IDO1: variants seen among roughly 807,000 people sequenced by gnomAD.
IDO1 encodes the protein indoleamine 2,3-dioxygenase 1.
IDO1 carries 35 observed loss-of-function variants against 38.8 expected under a neutral mutation model. The observed-to-expected ratio is 0.90, with a 90% confidence interval of 0.69 to 1.20. The LOEUF is 1.20. Ranked by LOEUF, IDO1 falls within the 50% of genes most tolerant of loss-of-function variation. The pLI is 0.00. For synonymous variants in IDO1, 171 were observed against 170.0 expected (o/e 1.01, Z -0.05); for missense variants, 509 against 485.1 (o/e 1.05, Z -0.46).
At chr8:39,919,875 C>T (rs1406943933) in intron 4 of IDO1, among the ~76,000 whole-genome samples, 2 of 152,048 alleles carry the variant, frequency 1.3e-5, no homozygotes, top group Non-Finnish European at 2.9e-5. Context: ...TTTTGACTGT[C>T]CATGTGTGTT....
In IDO1 at chr8:39,918,179, G is replaced by A. The variant is rs750836111; in HGVS notation, c.275G>A (p.Trp92Ter). Reference sequence around the variant, plus strand: ...GGATGCATCACCATGGCATATGTGTGGGGCAAAGGTCATGGAGATGTCCGT... The same window carrying A: ...GGATGCATCACCATGGCATATGTGTAGGGCAAAGGTCATGGAGATGTCCGT... ...VLGCITMAYVWGKGHGDVRKV... is the reference protein window; with the variant it reads ...VLGCITMAYV The change falls in exon 3 of 10, where the codon TGG becomes TAG. Residue 92 changes from tryptophan (W) to a stop codon, truncating the protein, a stop_gained. Transcript: ENST00000518237. LOFTEE classifies it high-confidence loss of function. 22 of 1,613,708 alleles carry A rather than the reference G, an allele frequency of 1.4e-5. No individual in the cohort carries two copies. The highest frequency in any genetic ancestry group is 6.7e-5 in the Admixed American group (4 of 59,988).
chr8:39,916,474 T>A (rs997085309), intron 1 of IDO1, among the ~76,000 whole-genome samples: 14 of 152,060 alleles, frequency 9.2e-5, no homozygotes, highest in African/African-American at 3.4e-4. Context: ...TGAGGCCCTG[T>A]CTGAAAACAA....
chr8:39,923,916 G>T, intron 7 of IDO1: 1 of 165,638 alleles, frequency 6.0e-6, no homozygotes. Context: ...TGGGAGGGTG[G>T]TTTTAAGTCC....
Position 39,928,131 on chromosome 8 carries a change from T to C in IDO1, c.1158T>C (p.Asn386=), listed in dbSNP as rs1355020733. The C allele has an allele frequency of 2.5e-6, 4 of 1,613,486 alleles. No individual in the cohort carries two copies. The highest frequency in any genetic ancestry group is 1.1e-5 in the South Asian group (1 of 90,858). ...GAACTGGAGGCACTGATTTAATGAA[T>C]TTCCTGAAGACTGTAAGAAGTACAA... ...AKGTGGTDLM[N]FLKTVRSTTE... is the part of the protein sequence containing the mutation. The change falls in exon 10 of 10, where the codon AAT becomes AAC. Residue 386 remains asparagine (N), a synonymous_variant. Coordinates refer to ENST00000518237, the MANE Select transcript of IDO1 (RefSeq NM_002164.6).
chr8:39,918,245 A>G (rs1446996039), intron 3 of IDO1, 38 bp downstream of exon 3: 1 of 1,586,218 alleles, frequency 6.3e-7, no homozygotes, highest in African/African-American at 1.3e-5. Context: ...GCTATGTGAC[A>G]GATTTTCATC....
chr8:39,928,281 A>G lies in IDO1; in HGVS notation c.*96A>G, dbSNP rs1807398441. ...ACAGAGCCACAAACTAATACTATGCAATGTTTTACCAATAATGCAATACAA... is the reference window on the plus strand; with the variant it reads ...ACAGAGCCACAAACTAATACTATGCGATGTTTTACCAATAATGCAATACAA... On this transcript the variant is annotated 3_prime_UTR_variant, in exon 10 of 10. Coordinates refer to ENST00000518237, the MANE Select transcript of IDO1 (RefSeq NM_002164.6). 1 of 821,028 alleles carries G rather than the reference A, an allele frequency of 1.2e-6. No homozygotes were observed. Among genetic ancestry groups the G allele is most frequent in the Non-Finnish European group, 1.9e-6 (1 of 532,002 alleles). The allele number at this position is 821,028 out of a possible 1,614,324, so 50.9% of individuals were successfully genotyped here.
In IDO1 at chr8:39,923,473, T is replaced by C; in HGVS notation, c.542T>C (p.Ile181Thr). The C allele has an allele frequency of 6.4e-7, 1 of 1,560,132 alleles. No homozygotes were observed. Among genetic ancestry groups the C allele is most frequent in the Non-Finnish European group, 8.8e-7 (1 of 1,131,196 alleles). ...TGTTTTGTTTGTTTGTTTTAGGTAA[T>C]TCCTACTGTATTCAAGGCAATGCAA... ...EIAAASAIKV[I>T]PTVFKAMQMQ... Residue 181 changes from isoleucine to threonine, a missense_variant, in exon 7 of 10, where the codon ATT becomes ACT. Ile to Thr is a moderately conservative substitution (Grantham distance 89). Coordinates refer to ENST00000518237, the MANE Select transcript of IDO1 (RefSeq NM_002164.6).
At chr8:39,925,471 T>C (rs1807346262) in intron 9 of IDO1, 100 bp downstream of exon 9, 2 of 1,171,178 alleles carry the variant, frequency 1.7e-6, no homozygotes, top group Non-Finnish European at 2.3e-6. Context: ...TCTGAGCTTA[T>C]CTGATAGTTT....
rs1395909015 is a variant in IDO1 at position 39,928,301 on chromosome 8, A to G, written c.*116A>G. On this transcript the variant is annotated 3_prime_UTR_variant, in exon 10 of 10. Transcript: ENST00000518237. ...TATGCAATGTTTTACCAATAATGCA[A>G]TACAAAAGACCTCAAAATACCTGTG... The G allele has an allele frequency of 1.4e-6, 1 of 693,992 alleles. No individual in the cohort carries two copies. The highest frequency in any genetic ancestry group is 3.0e-5 in the Admixed American group (1 of 32,882). 43.0% of individuals were successfully genotyped at this position (693,992 alleles called of 1,614,324 possible).
intron 9 of IDO1, among the ~76,000 whole-genome samples, chr8:39,926,641 A>T (rs926669683): frequency 6.6e-6 from 1 of 152,016 alleles, no homozygotes; most frequent in Non-Finnish European, 1.5e-5. Flanking sequence ...TAAAAACATG[A>T]GTTTTTCTTA....
intron 7 of IDO1, chr8:39,923,911 G>A (rs2129592382): frequency 5.7e-6 from 1 of 174,298 alleles, no homozygotes; most frequent in African/African-American, 2.4e-5. Context: ...CCACATGGGA[G>A]GGTGGTTTTA....
chr8:39,919,798 C>T (rs181943760), intron 4 of IDO1, among the ~76,000 whole-genome samples: 1 of 152,048 alleles, frequency 6.6e-6, no homozygotes, highest in African/African-American at 2.4e-5. Flanking sequence ...CATGTTCGTG[C>T]CACTGCACAC....
intron 1 of IDO1, chr8:39,915,783 A>G (rs1398502641): frequency 6.6e-6 from 1 of 152,206 alleles, no homozygotes; most frequent in Non-Finnish European, 1.5e-5. Flanking sequence ...AACAACTGTG[A>G]TAATTATGAA....
chr8:39,919,190 A>G (rs1419925577), intron 4 of IDO1: 6 of 556,570 alleles, frequency 1.1e-5, no homozygotes, highest in Non-Finnish European at 2.0e-5. Context: ...ACTATTATAT[A>G]CATACATACA....
intron 1 of IDO1, among the ~76,000 whole-genome samples, chr8:39,916,410 G>A (rs1586208670): frequency 6.6e-6 from 1 of 151,884 alleles, no homozygotes; most frequent in African/African-American, 2.4e-5. Context: ...CCTGGGAGGC[G>A]GAGGTTACAG....
chr8:39,923,111 C>T (rs558858332), intron 6 of IDO1, among the ~76,000 whole-genome samples: 10 of 152,148 alleles, frequency 6.6e-5, no homozygotes, highest in African/African-American at 9.6e-5. Flanking sequence ...TGGATTAAGA[C>T]GGGGGAATTT....
At position 39,928,020 on chromosome 8, in the gene IDO1, C is replaced by T. The variant is rs373317694; in HGVS notation, c.1047C>T (p.Ile349=). ...CCCTGAGGAGCTACCATCTGCAAAT[C>T]GTGACTAAGTACATCCTGATTCCTG... ...LVSLRSYHLQ[I]VTKYILIPAS... The change falls in exon 10 of 10, where the codon ATC becomes ATT. Residue 349 remains isoleucine, a synonymous_variant. Coordinates refer to ENST00000518237, the MANE Select transcript of IDO1 (RefSeq NM_002164.6). 35 of 1,607,060 alleles carry T rather than the reference C, an allele frequency of 2.2e-5. No homozygotes were observed. The highest frequency in any genetic ancestry group is 1.7e-4 in the Middle Eastern group (1 of 6,056).
chr8:39,917,590 G>T (rs940256531), intron 1 of IDO1, among the ~76,000 whole-genome samples: 2 of 152,220 alleles, frequency 1.3e-5, no homozygotes, highest in Non-Finnish European at 2.9e-5. Flanking sequence ...GGAGGAGATT[G>T]GTTTCAAATA....
At chr8:39,923,270 G>C (rs1306157179) in intron 6 of IDO1, among the ~76,000 whole-genome samples, 199 bp from the exon 7 acceptor site, 1 of 152,054 alleles carries the variant, frequency 6.6e-6, no homozygotes, top group African/African-American at 2.4e-5. Context: ...CGGGCATGGT[G>C]GTGGGCACCT....
Sources: gnomAD v4.1 joint callset for allele counts (sites outside exome capture counted in the v4.1 genomes callset) on GRCh38, gnomAD v4.1.1 for gene constraint, MANE v1.5 for transcripts, NCBI Gene and HGNC (gene_info 2026-07-23, HGNC 2026-07-21) for gene names.